SGCD: variants seen among roughly 807,000 people sequenced by gnomAD.
SGCD encodes the protein delta-sarcoglycan.
SGCD carries 18 observed loss-of-function variants against 36.6 expected under a neutral mutation model. The observed-to-expected ratio is 0.49, with a 90% confidence interval of 0.34 to 0.73. The LOEUF is 0.73. Ranked by LOEUF, SGCD falls within the 30% of genes least tolerant of loss-of-function variation. SGCD has a pLI of 0.01. For synonymous variants in SGCD, 133 were observed against 130.6 expected, an observed-to-expected ratio of 1.02 and a Z score of -0.12; for missense variants, 387 against 346.7, an observed-to-expected ratio of 1.12 and a Z score of -0.92.
intron 1 of SGCD, among the ~76,000 whole-genome samples, chr5:156,022,506 T>C (rs1474733208): frequency 2.6e-5 from 4 of 152,200 alleles, no homozygotes; most frequent in African/African-American, 9.6e-5. Flanking sequence ...CAATGCTTAA[T>C]TTTTGCAACA....
chr5:155,730,967 T>C, the SGCD span, among the ~76,000 whole-genome samples: 4 of 152,060 alleles, frequency 2.6e-5, no homozygotes, highest in African/African-American at 9.7e-5. Context: ...GGCGCATGCC[T>C]CTCCACAAAC....
At chr5:156,248,597 A>G (rs892284969) in intron 3 of SGCD, among the ~76,000 whole-genome samples, 2 of 152,088 alleles carry the variant, frequency 1.3e-5, no homozygotes, top group Non-Finnish European at 2.9e-5. Context: ...CTCAAAAGAC[A>G]AGTAGAAGCT....
chr5:155,948,716 A>G (rs1394242278), intron 1 of SGCD, among the ~76,000 whole-genome samples: 1 of 152,194 alleles, frequency 6.6e-6, no homozygotes, highest in Non-Finnish European at 1.5e-5. Context: ...GGAGTAGTGG[A>G]GAGAATCAGA....
At chr5:156,446,103 A>G (rs1753746986) in intron 3 of SGCD, among the ~76,000 whole-genome samples, 1 of 152,178 alleles carries the variant, frequency 6.6e-6, no homozygotes, top group East Asian at 1.9e-4. Context: ...CTTGCTGAAT[A>G]GACAAAATGG....
intron 3 of SGCD, among the ~76,000 whole-genome samples, chr5:156,506,697 A>G (rs1756713928): frequency 6.6e-6 from 1 of 152,230 alleles, no homozygotes; most frequent in South Asian, 2.1e-4. Flanking sequence ...AATGAAACAA[A>G]TGAAAATGTT....
the SGCD span, among the ~76,000 whole-genome samples, chr5:155,742,300 G>A: frequency 1.3e-5 from 2 of 152,054 alleles, no homozygotes; most frequent in Admixed American, 1.3e-4. Context: ...TAATTCAATT[G>A]TATGCACTTT....
At chr5:156,537,533 C>T (rs953853496) in intron 4 of SGCD, among the ~76,000 whole-genome samples, 1 of 149,988 alleles carries the variant, frequency 6.7e-6, no homozygotes, top group Admixed American at 6.6e-5. Flanking sequence ...TCACAGGTCC[C>T]CTTTCCTCCA....
intron 7 of SGCD, among the ~76,000 whole-genome samples, chr5:156,727,388 C>T (rs1051893323): frequency 6.6e-6 from 1 of 152,192 alleles, no homozygotes; most frequent in Non-Finnish European, 1.5e-5. Context: ...GGAGAAAGTT[C>T]AGAAGCCCAA....
intron 3 of SGCD, among the ~76,000 whole-genome samples, chr5:156,435,004 G>A (rs1028943869): frequency 1.3e-5 from 2 of 152,078 alleles, no homozygotes; most frequent in Admixed American, 1.3e-4. Context: ...CGTGTCATGT[G>A]GACTTTTTTC....
At chr5:156,394,080 A>T (rs1771726163) in intron 3 of SGCD, among the ~76,000 whole-genome samples, 1 of 152,238 alleles carries the variant, frequency 6.6e-6, no homozygotes, top group African/African-American at 2.4e-5. Flanking sequence ...AATTCATGAG[A>T]ATACAATATG....
In SGCD at chr5:156,649,875, T is replaced by A. The variant is rs534894821; in HGVS notation, c.575+2339T>A. Reference sequence around the variant, plus strand: ...TTGAAGTATAATAATAATTTTTTTTTTAAAAAGCAGGACTCTAAATACAGT... The same window carrying A: ...TTGAAGTATAATAATAATTTTTTTTATAAAAAGCAGGACTCTAAATACAGT... On this transcript the variant is annotated intron_variant, in intron 7 of 8. Transcript: ENST00000337851. 2.1e-3 allele frequency among the ~76,000 whole-genome samples: 315 copies of A among 152,260 alleles called. 1 individual carries two copies. Among genetic ancestry groups the A allele is most frequent in the African/African-American group, 7.0e-3 (292 of 41,554 alleles).
chr5:156,491,278 C>A (rs765179162), intron 3 of SGCD, among the ~76,000 whole-genome samples: 19 of 152,144 alleles, frequency 1.2e-4, no homozygotes, highest in Middle Eastern at 3.4e-3. Context: ...CCAAACTAAT[C>A]TATAGATTTA....
At chr5:156,650,396 T>C (rs778696928) in intron 7 of SGCD, among the ~76,000 whole-genome samples, 13 of 152,156 alleles carry the variant, frequency 8.5e-5, no homozygotes, top group Non-Finnish European at 1.6e-4. Flanking sequence ...TACATGAGTA[T>C]GTTGCATGAT....
At chr5:156,006,608 C>T (rs1284317858) in intron 1 of SGCD, among the ~76,000 whole-genome samples, 3 of 152,282 alleles carry the variant, frequency 2.0e-5, no homozygotes, top group Admixed American at 6.5e-5. Flanking sequence ...AAATCCTTCT[C>T]CCTAACATCT....
At chr5:155,844,120 A>G in the SGCD span, among the ~76,000 whole-genome samples, 2 of 151,602 alleles carry the variant, frequency 1.3e-5, no homozygotes, top group Admixed American at 1.3e-4. Flanking sequence ...AAGGGGAAAA[A>G]AAAACAATCA....
the SGCD span, among the ~76,000 whole-genome samples, chr5:155,842,895 C>T: frequency 6.6e-6 from 1 of 152,182 alleles, no homozygotes; most frequent in African/African-American, 2.4e-5. Context: ...TATTCTACTT[C>T]TGTTAAGACA....
chr5:156,144,751 A>G lies in SGCD; in HGVS notation c.-44+20732A>G, dbSNP rs148907769. 8.5e-5 allele frequency among the ~76,000 whole-genome samples: 13 copies of G among 152,194 alleles called. No homozygotes were observed. In the East Asian group the frequency reaches 2.5e-3, roughly 29 times the overall value. On this transcript the variant is annotated intron_variant, in intron 3 of 9. Transcript: ENST00000517913. ...AAGCTATTTAGTTTAATTAGATCCC[A>G]TTTGTCAATTTTGCTGTAGCCTCAT... is the stretch of plus-strand genomic sequence containing the variant.
upstream of SGCD, among the ~76,000 whole-genome samples, chr5:155,867,761 G>A (rs1278801428): frequency 6.6e-6 from 1 of 152,178 alleles, no homozygotes; most frequent in South Asian, 2.1e-4. Flanking sequence ...TTAGTGAGAT[G>A]TTATTCTCTA....
chr5:155,800,248 T>C, the SGCD span, among the ~76,000 whole-genome samples: 1 of 152,236 alleles, frequency 6.6e-6, no homozygotes, highest in Non-Finnish European at 1.5e-5. Flanking sequence ...GTTGTTTTGT[T>C]GCTCAATGCT....
Sources: gnomAD v4.1 joint callset for allele counts (sites outside exome capture counted in the v4.1 genomes callset) on GRCh38, gnomAD v4.1.1 for gene constraint, MANE v1.5 for transcripts, NCBI Gene and HGNC (gene_info 2026-07-23, HGNC 2026-07-21) for gene names.